CDH11: variants seen among roughly 807,000 people sequenced by gnomAD.
The protein encoded by CDH11 is cadherin-11.
CDH11 carries 11 observed loss-of-function variants against 67.8 expected under a neutral mutation model. The observed-to-expected ratio is 0.16, with a 90% CI of 0.10 to 0.27. The LOEUF is 0.27. Among genes scored for constraint, CDH11 ranks in the 10% least tolerant of loss-of-function variants. CDH11 has a pLI of 1.00. For missense variants in CDH11, 847 were observed against 1,031.2 expected (o/e 0.82, Z 2.45); for synonymous variants, 419 against 400.0 (o/e 1.05, Z -0.57).
At chr16:65,048,031 C>A (rs1057250309) in intron 2 of CDH11, among the ~76,000 whole-genome samples, 4 of 152,214 alleles carry the variant, frequency 2.6e-5, no homozygotes, top group African/African-American at 9.6e-5. Flanking sequence ...TTGGAAGCAA[C>A]AGTACGGTTC....
intron 1 of CDH11, among the ~76,000 whole-genome samples, chr16:65,119,693 C>T (rs2075293952): frequency 6.6e-6 from 1 of 152,140 alleles, no homozygotes. Context: ...CAAACAATGT[C>T]ATAAAATGCC....
intron 2 of CDH11, among the ~76,000 whole-genome samples, chr16:65,036,022 A>G (rs80096071): frequency 1.7e-3 from 253 of 152,310 alleles, no homozygotes; most frequent in Non-Finnish European, 2.8e-3. Context: ...TGATGAGGAT[A>G]GTGGCTTATA....
intron 1 of CDH11, among the ~76,000 whole-genome samples, chr16:65,093,726 G>T (rs2074834242): frequency 6.6e-6 from 1 of 152,080 alleles, no homozygotes. Context: ...AATCATTATA[G>T]TCCCTACCGT....
chr16:64,981,890 G>C (rs2142457640), intron 8 of CDH11, 158 bp downstream of exon 8: 2 of 620,586 alleles, frequency 3.2e-6, no homozygotes, highest in Non-Finnish European at 5.4e-6. Context: ...GTGAAGGGAA[G>C]CTCATGTCTT....
At chr16:65,106,180 C>A (rs575743482) in intron 1 of CDH11, among the ~76,000 whole-genome samples, 1 of 152,238 alleles carries the variant, frequency 6.6e-6, no homozygotes, top group South Asian at 2.1e-4. Context: ...CTGTTTTTCC[C>A]AATCCCTCCT....
At chr16:65,099,015 G>A (rs577773652) in intron 1 of CDH11, among the ~76,000 whole-genome samples, 8 of 152,158 alleles carry the variant, frequency 5.3e-5, no homozygotes, top group East Asian at 1.9e-4. Context: ...CTTTGTAACC[G>A]TCTATTTTCT....
intron 1 of CDH11, among the ~76,000 whole-genome samples, chr16:65,118,136 T>G (rs1412381557): frequency 1.3e-5 from 2 of 152,158 alleles, no homozygotes; most frequent in Non-Finnish European, 2.9e-5. Context: ...ATGGGCTCCA[T>G]GCAGACAGTT....
chr16:64,977,955 T>C (rs916438828), intron 8 of CDH11, among the ~76,000 whole-genome samples: 4 of 152,322 alleles, frequency 2.6e-5, no homozygotes, highest in African/African-American at 9.6e-5. Flanking sequence ...CCACTTATAG[T>C]TGGGAATTCC....
chr16:65,018,868 G>A (rs1282457923), intron 2 of CDH11, among the ~76,000 whole-genome samples: 1 of 152,152 alleles, frequency 6.6e-6, no homozygotes, highest in Non-Finnish European at 1.5e-5. Flanking sequence ...CTTTTGAAGA[G>A]GATGAAAGCA....
chr16:65,052,443 G>A (rs1441714708), intron 2 of CDH11, among the ~76,000 whole-genome samples: 1 of 152,156 alleles, frequency 6.6e-6, no homozygotes, highest in African/African-American at 2.4e-5. Context: ...AATGCCTTAA[G>A]AGTGCTTATG....
In CDH11 at chr16:65,060,338, C is replaced by CATAT. The variant is rs56797143; in HGVS notation, c.-297-6414_-297-6411dup. ...CTAAGCACACCCACTATAAAATTTGCATATATATATATATATAGAGAGAGA... is the reference window on the plus strand; with the variant it reads ...CTAAGCACACCCACTATAAAATTTGCATATATATATATATATATATAGAGAGAGA... On this transcript the variant is annotated intron_variant, in intron 1 of 12. Transcript: ENST00000268603. Among the ~76,000 whole-genome samples, 1,274 of 145,016 alleles carry CATAT rather than the reference C, an allele frequency of 8.8e-3. 10 individuals carry two copies. The highest frequency in any genetic ancestry group is 0.032 in the South Asian group (146 of 4,528).
chr16:65,054,366 C>G (rs142061483), intron 1 of CDH11, among the ~76,000 whole-genome samples: 230 of 152,282 alleles, frequency 1.5e-3, no homozygotes, highest in African/African-American at 4.8e-3. Flanking sequence ...GACAGATCCT[C>G]TTGAACAACA....
chr16:65,005,323 A>G (rs1247263925), intron 2 of CDH11, among the ~76,000 whole-genome samples: 4 of 152,194 alleles, frequency 2.6e-5, no homozygotes, highest in Admixed American at 6.5e-5. Flanking sequence ...GTTATAATTG[A>G]TCAAAATTGT....
chr16:64,962,993 G>C (rs563732299), intron 11 of CDH11, among the ~76,000 whole-genome samples: 1 of 152,234 alleles, frequency 6.6e-6, no homozygotes, highest in African/African-American at 2.4e-5. Context: ...ATTGTTAAAG[G>C]CTTATTTATA....
chr16:65,000,306 C>T (rs926952551), intron 3 of CDH11, among the ~76,000 whole-genome samples: 1 of 152,166 alleles, frequency 6.6e-6, no homozygotes, highest in African/African-American at 2.4e-5. Context: ...CCTTGTTGTT[C>T]AATCTCAATT....
rs368641698 is a variant in CDH11 at position 64,993,047 on chromosome 16, A to G, written c.524-13T>C. On this transcript the variant is annotated splice_polypyrimidine_tract_variant and intron_variant, in intron 4 of 12. Transcript: ENST00000268603. ...ATTACTGACGTTCCTTAAAAGTGAA[A>G]TAAATTAATTAGCAACATCTCCTCA... is the stretch of plus-strand genomic sequence containing the variant. 30 of 1,604,178 alleles carry G rather than the reference A, an allele frequency of 1.9e-5. No individual in the cohort carries two copies. In the African/African-American group the frequency reaches 4.0e-4, roughly 21 times the overall value.
intron 11 of CDH11, among the ~76,000 whole-genome samples, chr16:64,958,529 GATTAT>G (rs2071583086): frequency 1.3e-5 from 2 of 152,082 alleles, no homozygotes; most frequent in Admixed American, 6.6e-5. Context: ...ACTGTGCAAA[GATTAT>G]AATATCCCAT....
At chr16:65,089,454 C>A (rs1242355008) in intron 1 of CDH11, among the ~76,000 whole-genome samples, 2 of 152,066 alleles carry the variant, frequency 1.3e-5, no homozygotes, top group African/African-American at 4.8e-5. Context: ...CTTGTGAAAA[C>A]TTGCTCTTAA....
In CDH11 at chr16:65,014,430, T is replaced by C. The variant is rs2073252399; in HGVS notation, c.-172-9389A>G. On this transcript the variant is annotated intron_variant, in intron 2 of 12. Coordinates refer to ENST00000268603, the MANE Select transcript of CDH11 (RefSeq NM_001797.4). ...ATATATACATTCTCAAGATATTTTATATTTTTTTGTCCTAAGCCTTCAAAA... is the reference window on the plus strand; with the variant it reads ...ATATATACATTCTCAAGATATTTTACATTTTTTTGTCCTAAGCCTTCAAAA... Among the ~76,000 whole-genome samples the C allele has an allele frequency of 2.6e-5, 4 of 152,220 alleles. No individual in the cohort carries two copies. In the South Asian group the frequency reaches 8.3e-4, roughly 31 times the overall value.
Sources: gnomAD v4.1 joint callset for allele counts (sites outside exome capture counted in the v4.1 genomes callset) on GRCh38, gnomAD v4.1.1 for gene constraint, MANE v1.5 for transcripts, NCBI Gene and HGNC (gene_info 2026-07-23, HGNC 2026-07-21) for gene names.